COL22A1: variants seen among roughly 807,000 people sequenced by gnomAD.
The protein encoded by COL22A1 is collagen alpha-1(XXII) chain.
COL22A1 carries 221 observed loss-of-function variants against 248.9 expected under a neutral mutation model. The ratio of observed to expected loss-of-function variants is 0.89; its 90% CI spans 0.80 to 0.99. COL22A1 has a LOEUF of 0.99. Ranked by LOEUF, COL22A1 falls within the 50% of genes least tolerant of loss-of-function variation. The probability of loss-of-function intolerance (pLI) is 0.00; values close to 1 mark genes in which losing one functional copy is unlikely to be tolerated. For missense variants in COL22A1, 2,240 were observed against 2,179.0 expected (o/e 1.03, Z -0.56); for synonymous variants, 891 against 793.4 (o/e 1.12, Z -2.07).
At chr8:138,591,396 AC>A (rs1255040945) in intron 64 of COL22A1, 27 bp downstream of exon 64, 1 of 1,543,504 alleles carries the variant, frequency 6.5e-7, no homozygotes, top group Non-Finnish European at 8.8e-7. Flanking sequence ...CTCACACCCT[AC>A]CCCTGAGACT....
intron 55 of COL22A1, among the ~76,000 whole-genome samples, 189 bp from the exon 56 acceptor site, chr8:138,614,109 G>A (rs1170977621): frequency 2.0e-5 from 3 of 152,238 alleles, no homozygotes; most frequent in Non-Finnish European, 4.4e-5. Context: ...GTGAGTAAAT[G>A]CACGCAGGCC....
At chr8:138,899,402 G>T (rs1426502996) in intron 1 of COL22A1, among the ~76,000 whole-genome samples, 1 of 152,160 alleles carries the variant, frequency 6.6e-6, no homozygotes, top group Non-Finnish European at 1.5e-5. Context: ...GAAAATCCAG[G>T]GATGGTGAGA....
intron 23 of COL22A1, among the ~76,000 whole-genome samples, chr8:138,726,498 C>CAATAAAAAAAAAAAA (rs1830322287): frequency 1.0e-5 from 1 of 95,614 alleles, no homozygotes; most frequent in African/African-American, 3.9e-5. Context: ...CCTGTATCTA[C>CAATAAAAAAAAAAAA]AAAAAAAAAA....
intron 56 of COL22A1, among the ~76,000 whole-genome samples, chr8:138,610,772 G>T (rs1422026432): frequency 6.6e-6 from 1 of 152,184 alleles, no homozygotes; most frequent in Non-Finnish European, 1.5e-5. Flanking sequence ...CTCTCCAAAT[G>T]CCACTTTCCA....
intron 1 of COL22A1, among the ~76,000 whole-genome samples, chr8:138,891,203 A>G (rs546437437): frequency 1.3e-5 from 2 of 152,358 alleles, no homozygotes; most frequent in South Asian, 4.1e-4. Flanking sequence ...TTAAAGACCT[A>G]AATAAGAAGA....
chr8:138,742,802 GTGATGGTGATGGTGGAGTTGATGA>G (rs1302239089), intron 22 of COL22A1, among the ~76,000 whole-genome samples: 2 of 151,512 alleles, frequency 1.3e-5, no homozygotes, highest in African/African-American at 4.9e-5. Flanking sequence ...GGAGTTGATG[GTGATGGTGATGGTGGAGTTGATGA>G]TGATGGTAGT....
chr8:138,854,888 A>G (rs953864590), intron 3 of COL22A1, among the ~76,000 whole-genome samples: 1 of 151,218 alleles, frequency 6.6e-6, no homozygotes, highest in Non-Finnish European at 1.5e-5. Context: ...AGTGGTAGCA[A>G]TGGTGGTGAT....
chr8:138,598,644 G>C (rs1817743147), intron 61 of COL22A1, 75 bp downstream of exon 61: 9 of 1,414,956 alleles, frequency 6.4e-6, no homozygotes, highest in Non-Finnish European at 8.7e-6. Flanking sequence ...TGGTGCCTCT[G>C]AAGTCCACAC....
intron 39 of COL22A1, 105 bp from the exon 40 acceptor site, chr8:138,679,781 A>G: frequency 9.8e-7 from 1 of 1,024,178 alleles, no homozygotes; most frequent in East Asian, 2.4e-5. Flanking sequence ...GCATCTCTGT[A>G]TCCACAGTGT....
chr8:138,887,980 G>T (rs993574810), intron 1 of COL22A1, among the ~76,000 whole-genome samples: 1 of 152,168 alleles, frequency 6.6e-6, no homozygotes, highest in Admixed American at 6.5e-5. Context: ...TTTGTTCCAT[G>T]AGGCTTATTA....
rs764854527 is a variant in COL22A1, at chr8:138,811,823, G to A, written c.1425C>T (p.Asn475=). ...SEQIGFLKTI[N]CSCPAGEKGE... ...CCTTCTCTCCAGCTGGGCAGGAGCA[G>A]TTGATGGTCTTCAAAAACCCAATCT... is the stretch of plus-strand genomic sequence containing the variant. Residue 475 remains asparagine, a synonymous_variant, in exon 9 of 65, where the codon AAC becomes AAT. Coordinates refer to ENST00000303045, the MANE Select transcript of COL22A1 (RefSeq NM_152888.3). The A allele has an allele frequency of 3.4e-5, 49 of 1,445,810 alleles. No homozygotes were observed. In the Admixed American group the frequency reaches 8.9e-4, roughly 26 times the overall value. The allele number at this position is 1,445,810 out of a possible 1,614,324, so 89.6% of individuals were successfully genotyped here.
At position 138,714,867 on chromosome 8, in the gene COL22A1, C is replaced by T. The variant is rs146408084; in HGVS notation, c.2517+815G>A. Reference sequence around the variant, plus strand: ...AGCAATGACACGCTGGGCTCATGAACGATGCAGGGGAAAGGATATAGGAGT... The same window carrying T: ...AGCAATGACACGCTGGGCTCATGAATGATGCAGGGGAAAGGATATAGGAGT... On this transcript the variant is annotated intron_variant, in intron 30 of 64. Transcript: ENST00000303045. 2.8e-3 allele frequency among the ~76,000 whole-genome samples: 427 copies of T among 152,218 alleles called. 2 individuals are homozygous for T. The highest frequency in any genetic ancestry group is 9.9e-3 in the African/African-American group (411 of 41,544).
intron 32 of COL22A1, among the ~76,000 whole-genome samples, chr8:138,695,753 G>T (rs936698208): frequency 6.6e-6 from 1 of 152,060 alleles, no homozygotes; most frequent in East Asian, 1.9e-4. Context: ...CTCCCAGGAG[G>T]GTTGAAGGGA....
At position 138,668,140 on chromosome 8, in the gene COL22A1, G is replaced by A. The variant is rs138000925; in HGVS notation, c.3151-4400C>T. On this transcript the variant is annotated intron_variant, in intron 41 of 64. Coordinates refer to ENST00000303045, the MANE Select transcript of COL22A1 (RefSeq NM_152888.3). ...CTGACTAGATATTTGATGGTGTTAT[G>A]GATTTTTAAGGGGTATATTATAAGA... Among the ~76,000 whole-genome samples, 202 of 152,226 alleles carry A rather than the reference G, an allele frequency of 1.3e-3. 2 individuals are homozygous for A. The highest frequency in any genetic ancestry group is 4.8e-3 in the African/African-American group (199 of 41,548).
intron 41 of COL22A1, among the ~76,000 whole-genome samples, chr8:138,670,555 T>C (rs562059101): frequency 3.0e-4 from 45 of 152,132 alleles, no homozygotes; most frequent in Admixed American, 5.2e-4. Context: ...CTTTGGTTCT[T>C]ATGATCAAAG....
At chr8:138,680,705 T>C (rs184517886) in intron 39 of COL22A1, among the ~76,000 whole-genome samples, 2 of 152,306 alleles carry the variant, frequency 1.3e-5, no homozygotes, top group Non-Finnish European at 2.9e-5. Flanking sequence ...CCCCTGCTTC[T>C]TACCTTCTTC....
chr8:138,605,649 C>G (rs372856271), intron 58 of COL22A1, among the ~76,000 whole-genome samples: 10 of 152,256 alleles, frequency 6.6e-5, no homozygotes, highest in African/African-American at 2.4e-4. Context: ...AAGCTCTCTA[C>G]TCTGGTATGT....
chr8:138,796,854 T>C lies in COL22A1; in HGVS notation c.1561A>G (p.Ile521Val). The change falls in exon 12 of 65, where the codon ATA becomes GTA. Residue 521 changes from isoleucine (I) to valine (V), a missense_variant. Ile to Val is a conservative substitution (Grantham distance 29). Coordinates refer to ENST00000303045, the MANE Select transcript of COL22A1 (RefSeq NM_152888.3). Reference sequence around the variant, plus strand: ...TTTTCCCCTTGGCCAAAAGGTCCTATGCCCTAGAAAAATGAAAGAAGGCAA... The same window carrying C: ...TTTTCCCCTTGGCCAAAAGGTCCTACGCCCTAGAAAAATGAAAGAAGGCAA... ...GPKGEKGDVG[I>V]GPFGQGEKGE... is the part of the protein sequence containing the mutation. 3 of 1,597,842 alleles carry C rather than the reference T, an allele frequency of 1.9e-6. No individual in the cohort carries two copies. The highest frequency in any genetic ancestry group is 8.6e-7 in the Non-Finnish European group (1 of 1,165,330).
intron 12 of COL22A1, among the ~76,000 whole-genome samples, chr8:138,782,405 A>G (rs1286724779): frequency 6.6e-6 from 1 of 152,222 alleles, no homozygotes; most frequent in African/African-American, 2.4e-5. Flanking sequence ...TTTTGTACAG[A>G]CAGGGTTTCA....
Sources: gnomAD v4.1 joint callset for allele counts (sites outside exome capture counted in the v4.1 genomes callset) on GRCh38, gnomAD v4.1.1 for gene constraint, MANE v1.5 for transcripts, NCBI Gene and HGNC (gene_info 2026-07-23, HGNC 2026-07-21) for gene names.